KLHDC10: variants seen among roughly 807,000 people sequenced by gnomAD.
KLHDC10 encodes kelch domain-containing protein 10.
KLHDC10 carries 24 observed loss-of-function variants against 56.1 expected under a neutral mutation model. The observed-to-expected ratio is 0.43, with a 90% CI of 0.31 to 0.60. The LOEUF (loss-of-function observed/expected upper bound fraction) is 0.60, where lower values mean the gene tolerates loss of function less well. KLHDC10 is among the 20% of genes least tolerant of loss of function. The probability of loss-of-function intolerance (pLI) is 0.11; values close to 1 mark genes in which losing one functional copy is unlikely to be tolerated. For synonymous variants in KLHDC10, 188 were observed against 207.1 expected, an observed-to-expected ratio of 0.91 and a Z score of 0.79; for missense variants, 349 against 567.0, an observed-to-expected ratio of 0.62 and a Z score of 3.91.
chr7:130,113,042 A>G (rs1166035174), intron 2 of KLHDC10, among the ~76,000 whole-genome samples: 2 of 152,226 alleles, frequency 1.3e-5, no homozygotes, highest in African/African-American at 4.8e-5. Flanking sequence ...CAGTATATTA[A>G]AAATATCATT....
At chr7:130,081,504 A>C (rs1466384809) in intron 1 of KLHDC10, among the ~76,000 whole-genome samples, 1 of 151,522 alleles carries the variant, frequency 6.6e-6, no homozygotes, top group Non-Finnish European at 1.5e-5. Context: ...ATTTTAGTAG[A>C]GACAGGGTTT....
Position 130,125,908 on chromosome 7 carries a change from C to T in KLHDC10, c.908C>T (p.Ala303Val), listed in dbSNP as rs370162912. 2 of 1,598,568 alleles carry T rather than the reference C, an allele frequency of 1.3e-6. No individual in the cohort carries two copies. The highest frequency in any genetic ancestry group is 1.7e-6 in the Non-Finnish European group (2 of 1,175,448). ...GAAACGAATGCCTGGGAGGAAATTG[C>T]AACAAAACCCCATGAAAAAATAGGT... is the stretch of plus-strand genomic sequence containing the variant. ...NLETNAWEEI[A>V]TKPHEKIGFP... Residue 303 changes from alanine (A) to valine (V), a missense_variant, in exon 7 of 10, where the codon GCA becomes GTA. Transcript: ENST00000335420.
intron 1 of KLHDC10, among the ~76,000 whole-genome samples, chr7:130,073,293 CTTTTT>C (rs768140763): frequency 8.1e-6 from 1 of 122,948 alleles, no homozygotes; most frequent in African/African-American, 3.0e-5. Context: ...TCCTATTTGT[CTTTTT>C]TTTTTTTTTT....
At chr7:130,078,525 C>T (rs1259959567) in intron 1 of KLHDC10, among the ~76,000 whole-genome samples, 1 of 152,016 alleles carries the variant, frequency 6.6e-6, no homozygotes, top group Non-Finnish European at 1.5e-5. Context: ...CCTTCCTTTT[C>T]ACTCTTTTTT....
chr7:130,122,075 T>A lies in KLHDC10; in HGVS notation c.652T>A (p.Ser218Thr). ...YGQAMAIING[S>T]LYVFGGTTGY... ...CCAGGCTATGGCCATCATCAATGGC[T>A]CCCTTTATGTCTTTGGAGGTACAAC... Residue 218 changes from serine to threonine, a missense_variant, in exon 5 of 10, where the codon TCC (serine) becomes ACC (threonine). By Grantham distance (58) the Ser-to-Thr change is moderately conservative (BLOSUM62 1). Around this residue, in one of 2 missense-constraint regions of KLHDC10, gnomAD observed 245 missense variants for 470.1 expected, o/e 0.52. Transcript: ENST00000335420. 6.2e-7 allele frequency: 1 copy of A among 1,613,610 alleles called. No homozygotes were observed. The highest frequency in any genetic ancestry group is 8.5e-7 in the Non-Finnish European group (1 of 1,179,790).
chr7:130,126,809 A>G (rs530259350), intron 7 of KLHDC10, among the ~76,000 whole-genome samples: 1 of 151,838 alleles, frequency 6.6e-6, no homozygotes, highest in Admixed American at 6.6e-5. Flanking sequence ...TGGGTGATAT[A>G]AGAAATTGGA....
chr7:130,108,948 C>G (rs145068334), intron 2 of KLHDC10, among the ~76,000 whole-genome samples: 2,028 of 152,076 alleles, frequency 0.013, 46 homozygotes, highest in African/African-American at 0.046. Context: ...AGGCTGTCAC[C>G]CTGTCGCCCA....
chr7:130,083,478 T>G (rs1350182066), intron 1 of KLHDC10, among the ~76,000 whole-genome samples: 2 of 152,190 alleles, frequency 1.3e-5, no homozygotes, highest in African/African-American at 2.4e-5. Flanking sequence ...GAGGAGAGAT[T>G]TTTTAAAAAC....
chr7:130,074,936 T>C (rs974399622), intron 1 of KLHDC10, among the ~76,000 whole-genome samples: 9 of 152,068 alleles, frequency 5.9e-5, no homozygotes, highest in Non-Finnish European at 1.3e-4. Context: ...TGTAAAGTAG[T>C]GGATTAGACT....
intron 3 of KLHDC10, among the ~76,000 whole-genome samples, chr7:130,118,398 C>T (rs189519160): frequency 2.6e-5 from 4 of 152,240 alleles, no homozygotes; most frequent in African/African-American, 7.2e-5. Flanking sequence ...TTTATAGAAT[C>T]GAAGAGAGTC....
intron 2 of KLHDC10, among the ~76,000 whole-genome samples, chr7:130,106,232 T>G (rs916925830): frequency 6.6e-6 from 1 of 152,118 alleles, no homozygotes; most frequent in Non-Finnish European, 1.5e-5. Context: ...ATAAAAGGAG[T>G]TAAATTTAAA....
chr7:130,121,244 G>A (rs962857277), intron 4 of KLHDC10, among the ~76,000 whole-genome samples: 9 of 152,066 alleles, frequency 5.9e-5, no homozygotes, highest in Non-Finnish European at 1.3e-4. Flanking sequence ...ACTATGGTCT[G>A]GGTCCTGGTC....
chr7:130,116,537 G>T lies in KLHDC10; in HGVS notation c.346G>T (p.Glu116Ter). Residue 116 changes from glutamate to a stop codon, truncating the protein, a stop_gained, in exon 3 of 10, where the codon GAA becomes TAA. Transcript: ENST00000335420. LOFTEE classifies it high-confidence loss of function. The surrounding 1 kb of genome is among the most constrained non-coding windows in gnomAD (Gnocchi z 4.8). ...VFGGYNPDYDESGGPDNEDYP... is the reference protein window; with the variant it reads ...VFGGYNPDYD The stretch of plus-strand genomic sequence containing the variant: ...TGGAGGTTATAACCCAGATTATGAT[G>T]AATCGGGAGGGCCTGATAATGAAGA... The T allele has an allele frequency of 6.2e-7, 1 of 1,614,136 alleles. No individual in the cohort carries two copies.
chr7:130,097,899 G>C lies in KLHDC10; in HGVS notation c.253+892G>C, dbSNP rs568529742. Among the ~76,000 whole-genome samples the C allele has an allele frequency of 2.0e-5, 3 of 152,164 alleles. No homozygotes were observed. In the East Asian group the frequency reaches 5.8e-4, roughly 29 times the overall value. ...TGAAAAAAGAAAATCTCAAAAGAGG[G>C]TTGAAAACTCTGGTTCACACTATTT... On this transcript the variant is annotated intron_variant, in intron 2 of 9. Transcript: ENST00000335420.
chr7:130,115,980 A>G (rs1326405013), intron 2 of KLHDC10, among the ~76,000 whole-genome samples: 3 of 152,060 alleles, frequency 2.0e-5, no homozygotes, highest in African/African-American at 7.2e-5. Flanking sequence ...GTGTGTGTGT[A>G]TTTTTATTTA....
chr7:130,082,448 T>C (rs1368505345), intron 1 of KLHDC10, among the ~76,000 whole-genome samples: 1 of 152,262 alleles, frequency 6.6e-6, no homozygotes, highest in Non-Finnish European at 1.5e-5. Context: ...GTTCATTTAA[T>C]ACTGTGTAAA....
At chr7:130,091,844 C>T (rs1215047193) in intron 1 of KLHDC10, among the ~76,000 whole-genome samples, 2 of 152,028 alleles carry the variant, frequency 1.3e-5, no homozygotes, top group African/African-American at 2.4e-5. Flanking sequence ...AAAAACAATC[C>T]AATTATATAT....
intron 1 of KLHDC10, among the ~76,000 whole-genome samples, chr7:130,096,069 G>A (rs1021292645): frequency 6.6e-6 from 1 of 152,186 alleles, no homozygotes; most frequent in Non-Finnish European, 1.5e-5. Flanking sequence ...AGGCATAGCA[G>A]ATGCTTAATA....
At chr7:130,084,140 A>G (rs1795649309) in intron 1 of KLHDC10, among the ~76,000 whole-genome samples, 1 of 152,192 alleles carries the variant, frequency 6.6e-6, no homozygotes, top group African/African-American at 2.4e-5. Flanking sequence ...TACATGCTTC[A>G]TATTTCTGAA....
Sources: allele counts gnomAD v4.1 joint callset (sites outside exome capture counted in the v4.1 genomes callset), GRCh38; gene constraint gnomAD v4.1.1; regional missense constraint gnomAD v4.1.1; non-coding constraint Gnocchi (gnomAD v3.1); transcripts MANE v1.5; gene names NCBI Gene and HGNC (gene_info 2026-07-23, HGNC 2026-07-21).